RNF175: variants seen among roughly 807,000 people sequenced by gnomAD.
The protein encoded by RNF175 is ring finger protein 175.
RNF175 carries 38 observed loss-of-function variants against 50.0 expected under a neutral mutation model. The ratio of observed to expected loss-of-function variants is 0.76; its 90% confidence interval spans 0.59 to 1.00. RNF175 has a LOEUF of 1.00. Among genes scored for constraint, RNF175 ranks in the 50% least tolerant of loss-of-function variants. RNF175 has a pLI of 0.00. For missense variants in RNF175, 388 were observed against 409.6 expected (o/e 0.95, Z 0.46); for synonymous variants, 155 against 146.1 (o/e 1.06, Z -0.44).
intron 1 of RNF175, among the ~76,000 whole-genome samples, chr4:153,759,222 T>C (rs1420233551): frequency 2.6e-5 from 4 of 152,128 alleles, no homozygotes; most frequent in Admixed American, 6.5e-5. Context: ...ATGGGCTAGG[T>C]TGAGCACCAG....
At chr4:153,759,280 G>C (rs1740707943) in intron 1 of RNF175, among the ~76,000 whole-genome samples, 1 of 152,200 alleles carries the variant, frequency 6.6e-6, no homozygotes, top group African/African-American at 2.4e-5. Context: ...CAGAAACCCT[G>C]GGCACAGACC....
chr4:153,748,407 C>A, intron 3 of RNF175: 1 of 411,626 alleles, frequency 2.4e-6, no homozygotes, highest in Non-Finnish European at 4.3e-6. Context: ...CTCTATCCAC[C>A]AGGTGCCAGT....
chr4:153,745,210 C>A lies in RNF175; in HGVS notation c.246+3435G>T, dbSNP rs572800947. 1.4e-4 allele frequency among the ~76,000 whole-genome samples: 21 copies of A among 152,126 alleles called. 1 individual carries two copies. Among genetic ancestry groups the A allele is most frequent in the Admixed American group, 1.3e-3 (20 of 15,272 alleles). ...GGATTTTAAAGTGTGGTTCCAGGACCGGCAGCTTCAACATTACCAGCACCA... is the reference window on the plus strand; with the variant it reads ...GGATTTTAAAGTGTGGTTCCAGGACAGGCAGCTTCAACATTACCAGCACCA... On this transcript the variant is annotated intron_variant, in intron 3 of 8. Transcript: ENST00000347063.
chr4:153,741,105 T>C (rs193167415), intron 3 of RNF175, among the ~76,000 whole-genome samples: 1 of 152,328 alleles, frequency 6.6e-6, no homozygotes, highest in Admixed American at 6.5e-5. Context: ...TCTGTTATCA[T>C]ATGGTTAAGT....
At chr4:153,734,282 A>G (rs556834030) in intron 3 of RNF175, among the ~76,000 whole-genome samples, 3 of 152,328 alleles carry the variant, frequency 2.0e-5, no homozygotes, top group African/African-American at 7.2e-5. Context: ...ACAGCCTTCA[A>G]AAATAGCTTT....
At chr4:153,747,501 G>A (rs1461901304) in intron 3 of RNF175, among the ~76,000 whole-genome samples, 4 of 152,164 alleles carry the variant, frequency 2.6e-5, no homozygotes, top group Admixed American at 1.3e-4. Flanking sequence ...GAGGATGGCC[G>A]TTACTCCAGC....
intron 3 of RNF175, among the ~76,000 whole-genome samples, chr4:153,735,649 C>T (rs1739315907): frequency 6.6e-6 from 1 of 152,142 alleles, no homozygotes; most frequent in Non-Finnish European, 1.5e-5. Context: ...ACTGAATCTT[C>T]CAATCTATGA....
In RNF175 at chr4:153,751,454, C is replaced by A. The variant is rs762494275; in HGVS notation, c.88G>T (p.Ala30Ser). 1.2e-5 allele frequency: 18 copies of A among 1,557,520 alleles called. No individual in the cohort carries two copies. The highest frequency in any genetic ancestry group is 2.3e-5 in the East Asian group (1 of 42,656). The change falls in exon 2 of 9, where the codon GCA (alanine) becomes TCA (serine). Residue 30 changes from alanine (A) to serine (S), a missense_variant. Physicochemically the swap from Ala to Ser is moderately conservative, Grantham distance 99. Transcript: ENST00000347063. Reference sequence around the variant, plus strand: ...ATTACTTACTTCCATGTGTCTTCTGCAGAAAGCTTTGTATGAGAGAGCTGA... The same window carrying A: ...ATTACTTACTTCCATGTGTCTTCTGAAGAAAGCTTTGTATGAGAGAGCTGA... ...QEQLSHTKLS[A>S]EDTWNLQQER...
intron 3 of RNF175, among the ~76,000 whole-genome samples, chr4:153,742,131 A>G (rs62325085): frequency 0.18 from 26,853 of 151,984 alleles, 3,088 homozygotes; most frequent in Non-Finnish European, 0.25. Flanking sequence ...AAAATTAGCT[A>G]GGAGCAGTGT....
chr4:153,712,873 A>C (rs988945470), intron 7 of RNF175, among the ~76,000 whole-genome samples: 1 of 142,706 alleles, frequency 7.0e-6, no homozygotes, highest in Non-Finnish European at 1.5e-5. Context: ...TTTTTCCTTT[A>C]CAGTGATGTC....
At position 153,753,657 on chromosome 4, in the gene RNF175, A is replaced by T. The variant is rs112538182; in HGVS notation, c.67-2182T>A. Among the ~76,000 whole-genome samples, 47 of 151,504 alleles carry T rather than the reference A, an allele frequency of 3.1e-4. 2 individuals carry two copies. Among genetic ancestry groups the T allele is most frequent in the African/African-American group, 1.1e-3 (47 of 41,350 alleles). On this transcript the variant is annotated intron_variant, in intron 1 of 8. Coordinates refer to ENST00000347063, the MANE Select transcript of RNF175 (RefSeq NM_173662.4). ...ACTGCAACCTCTGCCTCCCGGGTTC[A>T]AGCGATTCTCCTGCCTTAGCCTCTT... is the stretch of plus-strand genomic sequence containing the variant.
intron 3 of RNF175, chr4:153,729,887 GA>G: frequency 3.4e-6 from 2 of 580,590 alleles, no homozygotes; most frequent in Non-Finnish European, 3.9e-6. Flanking sequence ...TACTTTCAGG[GA>G]AAAAAATCCA....
At chr4:153,718,265 C>A in intron 6 of RNF175, among the ~76,000 whole-genome samples, 1 of 107,616 alleles carries the variant, frequency 9.3e-6, no homozygotes, top group African/African-American at 3.6e-5. Flanking sequence ...AGCAGATGCA[C>A]TGGATCTACT....
chr4:153,726,532 T>C (rs540854608), intron 4 of RNF175, among the ~76,000 whole-genome samples: 1 of 152,332 alleles, frequency 6.6e-6, no homozygotes, highest in East Asian at 1.9e-4. Flanking sequence ...AGAGAAATAG[T>C]AGGCTTTGAA....
At position 153,710,256 on chromosome 4, in the gene RNF175, G is replaced by A; in HGVS notation, c.*113C>T. ...CATGGACAAATTGCTTGACAACAAA[G>A]TTTACTTAGTTTTCTAAACACTTGG... On this transcript the variant is annotated 3_prime_UTR_variant, in exon 9 of 9. Transcript: ENST00000347063. 1 of 792,210 alleles carries A rather than the reference G, an allele frequency of 1.3e-6. No individual in the cohort carries two copies. Among genetic ancestry groups the A allele is most frequent in the Admixed American group, 3.4e-5 (1 of 29,486 alleles). 49.1% of individuals were successfully genotyped at this position (792,210 alleles called of 1,614,324 possible). A position where few individuals can be genotyped will look rare whatever the true frequency, so the allele number is the denominator to read the frequency against.
chr4:153,722,061 G>C (rs1404341768), intron 5 of RNF175, among the ~76,000 whole-genome samples: 1 of 152,158 alleles, frequency 6.6e-6, no homozygotes, highest in Non-Finnish European at 1.5e-5. Flanking sequence ...CTGAGTAAAG[G>C]GTTGATGAGC....
At chr4:153,728,778 A>C (rs1228901165) in intron 3 of RNF175, among the ~76,000 whole-genome samples, 2 of 152,200 alleles carry the variant, frequency 1.3e-5, no homozygotes, top group Non-Finnish European at 2.9e-5. Context: ...TCTGAAAACC[A>C]TACTGCACTA....
At chr4:153,739,328 G>C (rs1739523442) in intron 3 of RNF175, among the ~76,000 whole-genome samples, 1 of 152,052 alleles carries the variant, frequency 6.6e-6, no homozygotes, top group Non-Finnish European at 1.5e-5. Context: ...GGCTGAGGCA[G>C]GAGAATTGCT....
chr4:153,710,571 CA>C, intron 8 of RNF175, 82 bp from the exon 9 acceptor site: 1 of 1,320,134 alleles, frequency 7.6e-7, no homozygotes, highest in Non-Finnish European at 1.1e-6. Context: ...ATATAATAAA[CA>C]ATGTAATGAA....
Sources: gnomAD v4.1 joint callset for allele counts (sites outside exome capture counted in the v4.1 genomes callset) on GRCh38, gnomAD v4.1.1 for gene constraint, MANE v1.5 for transcripts, NCBI Gene and HGNC (gene_info 2026-07-23, HGNC 2026-07-21) for gene names.